Variants in THAP3 observed in about 807,000 individuals in gnomAD.
THAP3 encodes THAP domain containing 3.
THAP3 carries 12 observed loss-of-function variants against 17.7 expected under a neutral mutation model. The observed-to-expected ratio is 0.68, with a 90% CI of 0.43 to 1.10. THAP3 has a LOEUF of 1.10. THAP3 is among the 50% of genes least tolerant of loss of function. The pLI is 0.00. For missense variants in THAP3, 289 were observed against 318.0 expected (o/e 0.91, Z 0.69); for synonymous variants, 133 against 126.9 (o/e 1.05, Z -0.32).
Position 6,632,945 on chromosome 1 carries a change from G to A in THAP3, c.588G>A (p.Leu196=). Residue 196 remains leucine (L), a synonymous_variant, in exon 6 of 6, where the codon CTG becomes CTA. Transcript: ENST00000054650. ...DSLKKKLFLT[L]KENEKLRKRL... ...TGAAGAAAAAACTCTTCCTCACTCTGAAGGAAAATGAAAAGCTCCGGAAGC... is the reference window on the plus strand; with the variant it reads ...TGAAGAAAAAACTCTTCCTCACTCTAAAGGAAAATGAAAAGCTCCGGAAGC... 4.3e-6 allele frequency: 7 copies of A among 1,612,944 alleles called. No homozygotes were observed. The highest frequency in any genetic ancestry group is 5.1e-6 in the Non-Finnish European group (6 of 1,179,904).
chr1:6,627,522 G>A (rs1486145636), intron 2 of THAP3, among the ~76,000 whole-genome samples: 2 of 152,072 alleles, frequency 1.3e-5, no homozygotes, highest in Admixed American at 6.5e-5. Context: ...GCGCCACCAC[G>A]CTGGGCTAAT....
At position 6,630,363 on chromosome 1, in the gene THAP3, C is replaced by G; in HGVS notation, c.333+10C>G. The G allele has an allele frequency of 6.2e-7, 1 of 1,613,688 alleles. No homozygotes were observed. The highest frequency in any genetic ancestry group is 8.5e-7 in the Non-Finnish European group (1 of 1,179,640). On this transcript the variant is annotated intron_variant, in intron 4 of 5. Transcript: ENST00000054650. ...TTCTCAGAAAGAAAAGGTGAGTGCA[C>G]CGGGCCAGGTACTTGAATGTTTAAA...
chr1:6,631,784 C>T (rs1207573991), intron 4 of THAP3, among the ~76,000 whole-genome samples: 1 of 152,104 alleles, frequency 6.6e-6, no homozygotes, highest in Non-Finnish European at 1.5e-5. Context: ...ATAATCCCAG[C>T]TACTCTGGAG....
intron 3 of THAP3, 152 bp downstream of exon 3, chr1:6,628,843 C>T: frequency 1.4e-6 from 1 of 738,622 alleles, no homozygotes; most frequent in Non-Finnish European, 2.2e-6. Flanking sequence ...GTCCACAGCC[C>T]TGTGGCCCTG....
chr1:6,630,690 C>T (rs1256359524), intron 4 of THAP3, among the ~76,000 whole-genome samples: 1 of 152,122 alleles, frequency 6.6e-6, no homozygotes, highest in Non-Finnish European at 1.5e-5. Context: ...CTTGCCTCAG[C>T]CTCCCGAGTA....
At chr1:6,625,894 C>G (rs1641457184) in intron 2 of THAP3, among the ~76,000 whole-genome samples, 1 of 152,176 alleles carries the variant, frequency 6.6e-6, no homozygotes, top group African/African-American at 2.4e-5. Flanking sequence ...TCCCTCTGCT[C>G]CCATTGTTCT....
Position 6,633,435 on chromosome 1 carries a change from G to T in THAP3, c.*358G>T. ...GCTCCTCAGGGAGGAAGCCATGTGAGGGGGCTGGCTCTGTGGCGGGTGAGT... is the reference window on the plus strand; with the variant it reads ...GCTCCTCAGGGAGGAAGCCATGTGATGGGGCTGGCTCTGTGGCGGGTGAGT... On this transcript the variant is annotated 3_prime_UTR_variant, in exon 6 of 6. Transcript: ENST00000054650. The T allele has an allele frequency of 2.6e-6, 3 of 1,172,572 alleles. No individual in the cohort carries two copies. Among genetic ancestry groups the T allele is most frequent in the Non-Finnish European group, 3.2e-6 (3 of 941,066 alleles). The allele number at this position is 1,172,572 out of a possible 1,614,324, so 72.6% of individuals were successfully genotyped here. A position where few individuals can be genotyped will look rare whatever the true frequency, so the allele number is the denominator to read the frequency against.
At chr1:6,635,562 A>G (rs1041264377), downstream of THAP3, 7 of 1,142,088 alleles carry the variant, frequency 6.1e-6, no homozygotes, top group Admixed American at 2.4e-5. Context: ...ACCACCTTCT[A>G]TAATAATAAT....
At position 6,633,372 on chromosome 1, in the gene THAP3, G is replaced by A. The variant is rs1641682371; in HGVS notation, c.*295G>A. ...TCTGGACGCTGTCCTTTCAGCACAC[G>A]CAGAGCAAAGATCGTTGGAAGCCCC... On this transcript the variant is annotated 3_prime_UTR_variant, in exon 6 of 6. Transcript: ENST00000054650. 5 of 1,279,406 alleles carry A rather than the reference G, an allele frequency of 3.9e-6. No homozygotes were observed. Among genetic ancestry groups the A allele is most frequent in the Non-Finnish European group, 4.0e-6 (4 of 1,004,596 alleles). 79.3% of individuals were successfully genotyped at this position (1,279,406 alleles called of 1,614,324 possible).
At chr1:6,625,396 G>A (rs1461838972) in intron 2 of THAP3, 104 bp downstream of exon 2, 7 of 1,101,522 alleles carry the variant, frequency 6.4e-6, no homozygotes, top group Non-Finnish European at 6.0e-6. Flanking sequence ...GCGTGCGGCC[G>A]CTGGGCCCGG....
rs41278030 is a variant in THAP3, at chr1:6,633,367, C to T, written c.*290C>T. 0.019 allele frequency: 24,262 copies of T among 1,294,008 alleles called. 279 individuals carry two copies. The highest frequency in any genetic ancestry group is 0.021 in the Non-Finnish European group (21,393 of 1,013,656). The allele number at this position is 1,294,008 out of a possible 1,614,324, so 80.2% of individuals were successfully genotyped here. ...CTGATTCTGGACGCTGTCCTTTCAG[C>T]ACACGCAGAGCAAAGATCGTTGGAA... On this transcript the variant is annotated 3_prime_UTR_variant, in exon 6 of 6. Transcript: ENST00000054650.
At chr1:6,630,224 G>A (rs1641571085) in intron 3 of THAP3, 64 bp from the exon 4 acceptor site, 13 of 1,460,584 alleles carry the variant, frequency 8.9e-6, no homozygotes, top group East Asian at 4.5e-5. Context: ...CATGATGCCC[G>A]AGGCCTGCCC....
At chr1:6,633,564 G>GAC, downstream of THAP3, 1 of 1,061,940 alleles carries the variant, frequency 9.4e-7, no homozygotes, top group Non-Finnish European at 1.1e-6. Flanking sequence ...CTTTCTATAC[G>GAC]GTGTCGCTCC....
downstream of THAP3, chr1:6,634,747 G>A: frequency 7.4e-7 from 1 of 1,350,498 alleles, no homozygotes; most frequent in Non-Finnish European, 9.9e-7. Context: ...TTCCTGTGAG[G>A]ACGCTGGACC....
intron 3 of THAP3, 75 bp from the exon 4 acceptor site, chr1:6,630,213 G>A (rs757629883): frequency 2.8e-5 from 37 of 1,324,532 alleles, no homozygotes; most frequent in Non-Finnish European, 3.9e-5. Context: ...GCGGGGACAA[G>A]CATGATGCCC....
rs1489806417 is a variant in THAP3, at chr1:6,633,041, A to G, written c.684A>G (p.Gly228=). The change falls in exon 6 of 6, where the codon GGA becomes GGG. Residue 228 remains glycine (G), a synonymous_variant. Coordinates refer to ENST00000054650, the MANE Select transcript of THAP3 (RefSeq NM_001195753.2). ...SRLRACKGHQ[G]LQARLGPEQQ... ...TCCGTGCTTGCAAAGGGCACCAGGG[A>G]CTCCAGGCCAGACTTGGGCCAGAGC... 1.9e-6 allele frequency: 3 copies of G among 1,608,094 alleles called. No homozygotes were observed. The highest frequency in any genetic ancestry group is 2.5e-6 in the Non-Finnish European group (3 of 1,178,036).
At chr1:6,634,578 T>TG, downstream of THAP3, 2 of 1,365,794 alleles carry the variant, frequency 1.5e-6, no homozygotes, top group Non-Finnish European at 2.0e-6. Flanking sequence ...GAGCAACTGA[T>TG]GGCTGCCACT....
At chr1:6,624,995 G>A (rs1641419278) in intron 1 of THAP3, 41 bp downstream of exon 1, 1 of 545,356 alleles carries the variant, frequency 1.8e-6, no homozygotes, top group Admixed American at 3.5e-5. Flanking sequence ...TTGGGGTTTC[G>A]GGCCTGAATT....
intron 3 of THAP3, among the ~76,000 whole-genome samples, chr1:6,629,251 G>A (rs1641544520): frequency 6.6e-6 from 1 of 152,232 alleles, no homozygotes; most frequent in African/African-American, 2.4e-5. Context: ...GGCCACAGGG[G>A]CACCCACGTG....
Sources: gnomAD v4.1 joint callset for allele counts (sites outside exome capture counted in the v4.1 genomes callset) on GRCh38, gnomAD v4.1.1 for gene constraint, MANE v1.5 for transcripts, NCBI Gene and HGNC (gene_info 2026-07-23, HGNC 2026-07-21) for gene names.